Variants in MYO6 observed in about 807,000 individuals in gnomAD.
The protein encoded by MYO6 is myosin VI.
In MYO6, 74 loss-of-function variants were observed where a neutral mutation model predicts 178.7. The observed-to-expected ratio is 0.41, with a 90% CI of 0.34 to 0.50. MYO6 has a LOEUF of 0.50. Among genes scored for constraint, MYO6 ranks in the 20% least tolerant of loss-of-function variants. The pLI, the probability that MYO6 is intolerant of heterozygous loss-of-function variation, is 0.09. For missense variants in MYO6, 1,330 were observed against 1,547.4 expected (o/e 0.86, Z 2.36); for synonymous variants, 477 against 504.6 (o/e 0.95, Z 0.73).
rs1562324843 is a variant in MYO6, at chr6:75,916,089, T to C, written c.*1077T>C. 6.6e-6 allele frequency: 1 copy of C among 152,218 alleles called. No homozygotes were observed. Among genetic ancestry groups the C allele is most frequent in the Non-Finnish European group, 1.5e-5 (1 of 68,030 alleles). The allele number at this position is 152,218 out of a possible 1,614,324, so 9.4% of individuals were successfully genotyped here. On this transcript the variant is annotated 3_prime_UTR_variant, in exon 35 of 35. Transcript: ENST00000369977. ...AAATGTTTTCTTTGTGTGCTGTTAG[T>C]ATTGATTCAAATGTCAGCAGCTTTA...
intron 1 of MYO6, among the ~76,000 whole-genome samples, chr6:75,808,722 T>C (rs1280043): frequency 0.15 from 22,437 of 152,142 alleles, 2,643 homozygotes; most frequent in African/African-American, 0.33. Flanking sequence ...GATGCACCTG[T>C]GACTCAGCCA....
chr6:75,860,101 C>T (rs1465573039), intron 14 of MYO6, among the ~76,000 whole-genome samples: 1 of 152,228 alleles, frequency 6.6e-6, no homozygotes, highest in African/African-American at 2.4e-5. Context: ...CTTTCCTTGT[C>T]ATGCCACCTT....
chr6:75,838,074 A>G (rs529795697), intron 7 of MYO6, among the ~76,000 whole-genome samples: 161 of 144,682 alleles, frequency 1.1e-3, no homozygotes, highest in Middle Eastern at 7.3e-3. Flanking sequence ...TTTTTTTGAG[A>G]CTGAGTCTCA....
At chr6:75,817,123 G>A (rs1340824401) in intron 1 of MYO6, among the ~76,000 whole-genome samples, 1 of 152,070 alleles carries the variant, frequency 6.6e-6, no homozygotes, top group African/African-American at 2.4e-5. Context: ...GGCTAACACG[G>A]TGAAATCCCA....
chr6:75,780,115 G>T (rs1238843854), intron 1 of MYO6, among the ~76,000 whole-genome samples: 3 of 152,146 alleles, frequency 2.0e-5, no homozygotes, highest in Non-Finnish European at 2.9e-5. Context: ...ATTGGGTAGT[G>T]GCAAAGATCA....
At chr6:75,840,729 G>T (rs370954722) in intron 8 of MYO6, 47 bp downstream of exon 8, 1 of 1,383,932 alleles carries the variant, frequency 7.2e-7, no homozygotes, top group Non-Finnish European at 1.0e-6. Context: ...GAGTGTTTGT[G>T]AAAATGCAAG....
intron 1 of MYO6, among the ~76,000 whole-genome samples, chr6:75,803,819 T>TA (rs1034322070): frequency 1.3e-5 from 2 of 152,168 alleles, no homozygotes; most frequent in African/African-American, 2.4e-5. Context: ...ATCATAGCAA[T>TA]AAAAAACCCA....
chr6:75,815,548 A>G (rs1217494084), intron 1 of MYO6, among the ~76,000 whole-genome samples: 2 of 152,066 alleles, frequency 1.3e-5, no homozygotes, highest in African/African-American at 2.4e-5. Flanking sequence ...GTGGTAATAT[A>G]AGTCTGAAGT....
At chr6:75,867,672 G>A (rs1776810752) in intron 18 of MYO6, 1 of 152,468 alleles carries the variant, frequency 6.6e-6, no homozygotes, top group African/African-American at 2.4e-5. Context: ...ACTAAAATTT[G>A]ATTAAAGCTT....
intron 10 of MYO6, among the ~76,000 whole-genome samples, chr6:75,845,279 G>T (rs181707381): frequency 6.6e-6 from 1 of 152,216 alleles, no homozygotes; most frequent in Admixed American, 6.5e-5. Flanking sequence ...TAGCATTTTT[G>T]AAACTTGCTC....
chr6:75,908,361 A>T, intron 31 of MYO6, 135 bp from the exon 32 acceptor site: 1 of 780,004 alleles, frequency 1.3e-6, no homozygotes, highest in South Asian at 1.7e-5. Context: ...CTTATGAATA[A>T]TTAGCTTACT....
At chr6:75,889,845 G>A (rs1479280890) in intron 25 of MYO6, among the ~76,000 whole-genome samples, 1 of 152,192 alleles carries the variant, frequency 6.6e-6, no homozygotes, top group East Asian at 1.9e-4. Flanking sequence ...GTATAGTAAA[G>A]ATAACGGACG....
chr6:75,797,131 C>G (rs887854837), intron 1 of MYO6, among the ~76,000 whole-genome samples: 1 of 151,952 alleles, frequency 6.6e-6, no homozygotes, highest in South Asian at 2.1e-4. Context: ...GCTCTGTCAC[C>G]CAGGCTGGAG....
At position 75,917,717 on chromosome 6, in the gene MYO6, T is replaced by C. The variant is rs1054785470; in HGVS notation, c.*2705T>C. On this transcript the variant is annotated 3_prime_UTR_variant, in exon 35 of 35. Transcript: ENST00000369977. ...TGCAAGCAACCAAGGAAAGAACATCTTAAGTGGAAAATCAGTGGTGGTTGT... is the reference window on the plus strand; with the variant it reads ...TGCAAGCAACCAAGGAAAGAACATCCTAAGTGGAAAATCAGTGGTGGTTGT... 2 of 152,620 alleles carry C rather than the reference T, an allele frequency of 1.3e-5. No individual in the cohort carries two copies. The highest frequency in any genetic ancestry group is 4.8e-5 in the African/African-American group (2 of 41,468). 9.5% of individuals were successfully genotyped at this position (152,620 alleles called of 1,614,324 possible). A position where few individuals can be genotyped will look rare whatever the true frequency, so the allele number is the denominator to read the frequency against.
At chr6:75,776,493 C>T (rs537032992) in intron 1 of MYO6, among the ~76,000 whole-genome samples, 1 of 152,162 alleles carries the variant, frequency 6.6e-6, no homozygotes, top group Non-Finnish European at 1.5e-5. Context: ...TGAATGCATC[C>T]TTTTGCCAAC....
intron 1 of MYO6, among the ~76,000 whole-genome samples, chr6:75,760,750 C>CT (rs879815888): frequency 0.013 from 1,901 of 140,870 alleles, 24 homozygotes; most frequent in African/African-American, 0.025. Flanking sequence ...TGTAAGTAGG[C>CT]TTTTTTTTTT....
At chr6:75,799,321 T>C (rs952473569) in intron 1 of MYO6, among the ~76,000 whole-genome samples, 1 of 148,992 alleles carries the variant, frequency 6.7e-6, no homozygotes, top group African/African-American at 2.5e-5. Flanking sequence ...ACCCAGGAGG[T>C]GGAGGTTGCA....
In MYO6 at chr6:75,918,618, A is replaced by T. The variant is rs776072475; in HGVS notation, c.*3606A>T. 6.6e-6 allele frequency: 1 copy of T among 152,224 alleles called. No individual in the cohort carries two copies. The highest frequency in any genetic ancestry group is 1.5e-5 in the Non-Finnish European group (1 of 68,044). The allele number at this position is 152,224 out of a possible 1,614,324, so 9.4% of individuals were successfully genotyped here. On this transcript the variant is annotated 3_prime_UTR_variant, in exon 35 of 35. Transcript: ENST00000369977. ...TACATAAGCCTCATGGAAGGGTAAGATGGAGAGACTGGCAGAAGTAGCACC... is the reference window on the plus strand; with the variant it reads ...TACATAAGCCTCATGGAAGGGTAAGTTGGAGAGACTGGCAGAAGTAGCACC...
intron 1 of MYO6, among the ~76,000 whole-genome samples, chr6:75,814,310 C>T (rs978442486): frequency 2.0e-5 from 3 of 152,130 alleles, no homozygotes; most frequent in African/African-American, 7.2e-5. Flanking sequence ...GAGTTGAAGA[C>T]TGGTTTTGCT....
Sources: gnomAD v4.1 joint callset for allele counts (sites outside exome capture counted in the v4.1 genomes callset) on GRCh38, gnomAD v4.1.1 for gene constraint, MANE v1.5 for transcripts, NCBI Gene and HGNC (gene_info 2026-07-23, HGNC 2026-07-21) for gene names.